PTPRD: variants seen among roughly 807,000 people sequenced by gnomAD.
PTPRD encodes receptor-type tyrosine-protein phosphatase delta.
A neutral mutation model predicts 214.5 loss-of-function variants in PTPRD; 34 were observed. The ratio of observed to expected loss-of-function variants is 0.16; its 90% CI spans 0.12 to 0.21. PTPRD has a LOEUF of 0.21. Ranked by LOEUF, PTPRD falls within the 10% of genes least tolerant of loss-of-function variation. The pLI is 1.00. For missense variants in PTPRD, 2,545 were observed against 2,398.7 expected, an observed-to-expected ratio of 1.06 and a Z score of -1.27; for synonymous variants, 1,128 against 845.7, an observed-to-expected ratio of 1.33 and a Z score of -5.79.
intron 9 of PTPRD, among the ~76,000 whole-genome samples, chr9:9,364,944 G>T (rs1043790555): frequency 6.6e-6 from 1 of 151,442 alleles, no homozygotes; most frequent in Non-Finnish European, 1.5e-5. Context: ...CAGCAGAGAA[G>T]GGTGTAGGAT....
At chr9:8,423,622 G>T (rs1306913366) in intron 35 of PTPRD, among the ~76,000 whole-genome samples, 1 of 152,118 alleles carries the variant, frequency 6.6e-6, no homozygotes, top group Non-Finnish European at 1.5e-5. Flanking sequence ...AATGAAACTG[G>T]AATCTGACTC....
intron 7 of PTPRD, among the ~76,000 whole-genome samples, chr9:9,586,630 T>G (rs1025654619): frequency 6.6e-6 from 1 of 151,950 alleles, no homozygotes; most frequent in Non-Finnish European, 1.5e-5. Flanking sequence ...ATTTTTAAAA[T>G]AGAAAAACCC....
intron 5 of PTPRD, among the ~76,000 whole-genome samples, chr9:9,875,438 C>G (rs2066576831): frequency 6.6e-6 from 1 of 152,034 alleles, no homozygotes; most frequent in South Asian, 2.1e-4. Flanking sequence ...CATTGAATAT[C>G]TGTTAATAAC....
At chr9:10,540,783 C>T (rs1337643717) in intron 2 of PTPRD, among the ~76,000 whole-genome samples, 1 of 152,110 alleles carries the variant, frequency 6.6e-6, no homozygotes. Context: ...TTACAAGTAA[C>T]ATGAAGTGGT....
chr9:9,283,656 A>G (rs1375663801), intron 9 of PTPRD, among the ~76,000 whole-genome samples: 1 of 151,622 alleles, frequency 6.6e-6, no homozygotes, highest in Non-Finnish European at 1.5e-5. Flanking sequence ...ACTGCATTTG[A>G]GATTTATTAT....
rs547114139 is a variant in PTPRD at position 9,315,417 on chromosome 9, T to C, written c.-203+82032A>G. Among the ~76,000 whole-genome samples, 4 of 152,126 alleles carry C rather than the reference T, an allele frequency of 2.6e-5. No homozygotes were observed. The South Asian group carries it at 8.3e-4, about 31-fold the overall frequency. On this transcript the variant is annotated intron_variant, in intron 9 of 45. Transcript: ENST00000381196. ...TATATGCCAGTAAGTTAAACACTTA[T>C]CTAGGATAATTAGGTTTTTAAAAAT...
chr9:8,999,899 C>T (rs1424923160), intron 11 of PTPRD, among the ~76,000 whole-genome samples: 1 of 151,968 alleles, frequency 6.6e-6, no homozygotes, highest in Admixed American at 6.6e-5. Context: ...AATAAATCCT[C>T]TCAACAATTT....
intron 3 of PTPRD, among the ~76,000 whole-genome samples, chr9:10,171,745 G>C (rs1248154730): frequency 1.3e-5 from 2 of 152,038 alleles, no homozygotes; most frequent in Non-Finnish European, 2.9e-5. Context: ...GGATGGTCTC[G>C]ATCTCCTGAC....
chr9:9,003,682 C>G (rs2099435399), intron 11 of PTPRD, among the ~76,000 whole-genome samples: 1 of 152,020 alleles, frequency 6.6e-6, no homozygotes. Flanking sequence ...ATATCATTAG[C>G]AAGCATGTTG....
chr9:10,464,641 T>C (rs1334128916), intron 2 of PTPRD, among the ~76,000 whole-genome samples: 1 of 151,986 alleles, frequency 6.6e-6, no homozygotes, highest in African/African-American at 2.4e-5. Context: ...TAGAAATGCA[T>C]AAAGGTCCTA....
intron 5 of PTPRD, among the ~76,000 whole-genome samples, chr9:9,898,088 G>T (rs1054498587): frequency 2.6e-5 from 4 of 152,066 alleles, no homozygotes; most frequent in African/African-American, 9.7e-5. Context: ...ACAACATAGA[G>T]AAACTAAGGA....
chr9:9,314,594 C>T (rs188631616), intron 9 of PTPRD, among the ~76,000 whole-genome samples: 242 of 152,130 alleles, frequency 1.6e-3, no homozygotes, highest in African/African-American at 5.6e-3. Flanking sequence ...GTTTTTCCCT[C>T]ATGTCTCCAG....
chr9:9,660,080 C>T (rs919288383), intron 7 of PTPRD, among the ~76,000 whole-genome samples: 18 of 151,804 alleles, frequency 1.2e-4, no homozygotes, highest in Admixed American at 3.3e-4. Flanking sequence ...TGGTATATGC[C>T]TTTTTTGTTT....
intron 9 of PTPRD, among the ~76,000 whole-genome samples, chr9:9,230,293 A>G (rs1412002181): frequency 2.6e-5 from 4 of 152,130 alleles, no homozygotes; most frequent in Admixed American, 6.6e-5. Flanking sequence ...GCTAACTAAA[A>G]TCTCTTCAAC....
chr9:10,018,962 A>C (rs1233787474), intron 4 of PTPRD, among the ~76,000 whole-genome samples: 1 of 152,178 alleles, frequency 6.6e-6, no homozygotes, highest in Non-Finnish European at 1.5e-5. Flanking sequence ...CTGCGCAGCA[A>C]AAGAAACTAC....
At chr9:9,964,857 T>C (rs1478827072) in intron 4 of PTPRD, among the ~76,000 whole-genome samples, 1 of 152,164 alleles carries the variant, frequency 6.6e-6, no homozygotes, top group Non-Finnish European at 1.5e-5. Flanking sequence ...AACCAGGAAG[T>C]ATAATATGTA....
intron 9 of PTPRD, among the ~76,000 whole-genome samples, chr9:9,344,257 C>T (rs1352328671): frequency 6.6e-6 from 1 of 151,950 alleles, no homozygotes; most frequent in Admixed American, 6.6e-5. Context: ...TGTTCTCACC[C>T]ATAAGTGGGA....
At chr9:9,178,003 G>A (rs1052157197) in intron 10 of PTPRD, among the ~76,000 whole-genome samples, 1 of 151,962 alleles carries the variant, frequency 6.6e-6, no homozygotes, top group Non-Finnish European at 1.5e-5. Context: ...TGAAATATCT[G>A]GAACCCATCT....
At chr9:10,301,249 G>A (rs1006518495) in intron 3 of PTPRD, among the ~76,000 whole-genome samples, 4 of 152,032 alleles carry the variant, frequency 2.6e-5, no homozygotes, top group Non-Finnish European at 5.9e-5. Context: ...TCCACTCAGA[G>A]ACCCCATCCG....
Sources: allele counts gnomAD v4.1 joint callset (sites outside exome capture counted in the v4.1 genomes callset), GRCh38; gene constraint gnomAD v4.1.1; transcripts MANE v1.5; gene names NCBI Gene and HGNC (gene_info 2026-07-23, HGNC 2026-07-21).